DLGAP1: variants seen among roughly 807,000 people sequenced by gnomAD.
DLGAP1 encodes disks large-associated protein 1.
In DLGAP1, 11 loss-of-function variants were observed where a neutral mutation model predicts 90.8. That is an observed-to-expected ratio of 0.12 (90% CI 0.08 to 0.20). The LOEUF is 0.20. Among genes scored for constraint, DLGAP1 ranks in the 10% least tolerant of loss-of-function variants. The probability of loss-of-function intolerance (pLI) is 1.00; values close to 1 mark genes in which losing one functional copy is unlikely to be tolerated. For missense variants in DLGAP1, 1,050 were observed against 1,333.8 expected, an observed-to-expected ratio of 0.79 and a Z score of 3.31; for synonymous variants, 558 against 540.7, an observed-to-expected ratio of 1.03 and a Z score of -0.44.
At chr18:3,944,736 A>C in intron 3 of DLGAP1, among the ~76,000 whole-genome samples, 1 of 152,214 alleles carries the variant, frequency 6.6e-6, no homozygotes, top group East Asian at 1.9e-4. Context: ...TTGTGAAGGT[A>C]AGAAGAAGTT....
At chr18:4,067,455 C>A (rs2075386425) in intron 2 of DLGAP1, among the ~76,000 whole-genome samples, 1 of 152,068 alleles carries the variant, frequency 6.6e-6, no homozygotes, top group Non-Finnish European at 1.5e-5. Flanking sequence ...TCATTATATA[C>A]TTCTCCCTTT....
intron 7 of DLGAP1, among the ~76,000 whole-genome samples, chr18:3,669,254 C>T (rs1369908084): frequency 1.3e-5 from 2 of 151,874 alleles, no homozygotes. Flanking sequence ...AAGGGAAGAG[C>T]GTGATGCCTT....
chr18:3,740,961 AC>A, intron 6 of DLGAP1, among the ~76,000 whole-genome samples: 1 of 129,558 alleles, frequency 7.7e-6, no homozygotes, highest in Admixed American at 7.8e-5. Context: ...TGTCACCACC[AC>A]CACCACCATC....
At chr18:3,668,560 CCTT>C (rs144131490) in intron 7 of DLGAP1, among the ~76,000 whole-genome samples, 2,988 of 152,236 alleles carry the variant, frequency 0.02, 79 homozygotes, top group Admixed American at 0.076. Flanking sequence ...ATCTTCCGTA[CCTT>C]CTTCTGTGCC....
intron 3 of DLGAP1, among the ~76,000 whole-genome samples, chr18:3,941,140 C>T (rs1318046615): frequency 6.6e-6 from 1 of 152,170 alleles, no homozygotes; most frequent in Non-Finnish European, 1.5e-5. Flanking sequence ...AAGGAAAAAA[C>T]TGTCATGATT....
intron 1 of DLGAP1, among the ~76,000 whole-genome samples, chr18:4,420,864 C>T (rs913498947): frequency 6.6e-6 from 1 of 152,156 alleles, no homozygotes; most frequent in Non-Finnish European, 1.5e-5. Context: ...CATTTATCAC[C>T]TCCACATGAA....
chr18:3,519,250 G>T (rs994868437), intron 10 of DLGAP1, among the ~76,000 whole-genome samples: 1 of 152,140 alleles, frequency 6.6e-6, no homozygotes, highest in Non-Finnish European at 1.5e-5. Context: ...TCCACCTTCA[G>T]GTACAGAGAT....
chr18:3,500,113 G>A (rs1442200856), intron 12 of DLGAP1, among the ~76,000 whole-genome samples: 1 of 152,140 alleles, frequency 6.6e-6, no homozygotes, highest in Non-Finnish European at 1.5e-5. Context: ...TAACTGTGGT[G>A]GCCCAGGAAG....
intron 5 of DLGAP1, among the ~76,000 whole-genome samples, chr18:3,744,613 G>A (rs1250751248): frequency 6.6e-6 from 1 of 152,092 alleles, no homozygotes; most frequent in Non-Finnish European, 1.5e-5. Context: ...CAGGTGGAGT[G>A]TAGCTCACTG....
intron 7 of DLGAP1, among the ~76,000 whole-genome samples, chr18:3,593,288 C>A (rs975942059): frequency 1.4e-4 from 22 of 152,320 alleles, no homozygotes; most frequent in African/African-American, 5.3e-4. Flanking sequence ...ACAGTTGCAA[C>A]TTTTAAAATA....
At chr18:4,275,840 G>A (rs2079399894) in intron 1 of DLGAP1, among the ~76,000 whole-genome samples, 1 of 152,050 alleles carries the variant, frequency 6.6e-6, no homozygotes, top group African/African-American at 2.4e-5. Context: ...TATTTATTCT[G>A]AAGAAATAAA....
intron 1 of DLGAP1, among the ~76,000 whole-genome samples, chr18:4,172,877 C>G (rs1295349752): frequency 6.6e-6 from 1 of 152,236 alleles, no homozygotes; most frequent in Admixed American, 6.5e-5. Context: ...TGCTCTAGTG[C>G]AGGCTGAAAG....
At chr18:3,972,603 T>C (rs960655007) in intron 3 of DLGAP1, among the ~76,000 whole-genome samples, 1 of 152,184 alleles carries the variant, frequency 6.6e-6, no homozygotes, top group Non-Finnish European at 1.5e-5. Context: ...GATTATTAAG[T>C]GACTAGATTC....
intron 2 of DLGAP1, among the ~76,000 whole-genome samples, chr18:4,024,151 T>G (rs1316264633): frequency 1.3e-5 from 2 of 152,216 alleles, no homozygotes; most frequent in Non-Finnish European, 2.9e-5. Context: ...TCTTTGGTAA[T>G]CTCTGAGATA....
At chr18:3,790,274 T>C (rs1236326198) in intron 5 of DLGAP1, among the ~76,000 whole-genome samples, 8 of 25,464 alleles carry the variant, frequency 3.1e-4, no homozygotes, top group Non-Finnish European at 9.9e-4. Context: ...TTTTTTTTTC[T>C]TTTTTTTTTT....
chr18:4,102,317 A>T (rs2075792955), intron 2 of DLGAP1, among the ~76,000 whole-genome samples: 1 of 152,182 alleles, frequency 6.6e-6, no homozygotes, highest in Admixed American at 6.5e-5. Flanking sequence ...GTTTGTGTAA[A>T]TGGAATTCAT....
chr18:3,566,851 A>T (rs1276103309), intron 9 of DLGAP1, among the ~76,000 whole-genome samples: 1 of 152,134 alleles, frequency 6.6e-6, no homozygotes, highest in African/African-American at 2.4e-5. Flanking sequence ...ACCCACCAAG[A>T]AACTCCCAGT....
chr18:3,934,247 C>T (rs2072585113), intron 3 of DLGAP1, among the ~76,000 whole-genome samples: 7 of 152,084 alleles, frequency 4.6e-5, no homozygotes, highest in Admixed American at 4.6e-4. Flanking sequence ...TGTGAATTTC[C>T]CTAAAGGTTC....
intron 1 of DLGAP1, among the ~76,000 whole-genome samples, chr18:4,417,057 C>G (rs2082916675): frequency 6.6e-6 from 1 of 152,092 alleles, no homozygotes. Flanking sequence ...CGGTCTTGTT[C>G]AGGGAGTCTG....
Sources: allele counts gnomAD v4.1 joint callset (sites outside exome capture counted in the v4.1 genomes callset), GRCh38; gene constraint gnomAD v4.1.1; transcripts MANE v1.5; gene names NCBI Gene and HGNC (gene_info 2026-07-23, HGNC 2026-07-21).